MACROD2: variants seen among roughly 807,000 people sequenced by gnomAD.
The protein encoded by MACROD2 is ADP-ribose glycohydrolase MACROD2.
Under a neutral mutation model 70.4 loss-of-function variants are expected in MACROD2, and 36 were observed. That is an observed-to-expected ratio of 0.51 (90% CI 0.39 to 0.68). The LOEUF (loss-of-function observed/expected upper bound fraction) is 0.68. Ranked by LOEUF, MACROD2 falls within the 30% of genes least tolerant of loss-of-function variation. The pLI is 0.00. For synonymous variants in MACROD2, 172 were observed against 178.8 expected, an observed-to-expected ratio of 0.96 and a Z score of 0.30; for missense variants, 496 against 538.4, an observed-to-expected ratio of 0.92 and a Z score of 0.78.
intron 1 of MACROD2, among the ~76,000 whole-genome samples, chr20:13,999,725 C>T (rs2052707741): frequency 6.6e-6 from 1 of 152,230 alleles, no homozygotes; most frequent in Non-Finnish European, 1.5e-5. Context: ...AAGTAACCTA[C>T]AGATTTGCAC....
In MACROD2 at chr20:14,585,872, T is replaced by C. The variant is rs190098166; in HGVS notation, c.301+92364T>C. On this transcript the variant is annotated intron_variant, in intron 4 of 17. Transcript: ENST00000684519. ...GGTGAGATATTCAAGGTGTGTAGCTTTCTATGTAATTTCCTTAACTTGAAC... is the reference window on the plus strand; with the variant it reads ...GGTGAGATATTCAAGGTGTGTAGCTCTCTATGTAATTTCCTTAACTTGAAC... 4.3e-3 allele frequency among the ~76,000 whole-genome samples: 651 copies of C among 152,276 alleles called. 4 individuals carry two copies. In the Middle Eastern group the frequency reaches 0.044, roughly 10 times the overall value.
At chr20:15,026,050 T>C (rs576689645) in intron 5 of MACROD2, among the ~76,000 whole-genome samples, 1 of 152,302 alleles carries the variant, frequency 6.6e-6, no homozygotes, top group East Asian at 1.9e-4. Flanking sequence ...TATTAGTACC[T>C]AGCTGACAAA....
At chr20:15,339,523 C>T (rs1319556557) in intron 6 of MACROD2, among the ~76,000 whole-genome samples, 1 of 151,734 alleles carries the variant, frequency 6.6e-6, no homozygotes, top group Non-Finnish European at 1.5e-5. Context: ...CACTTGACGC[C>T]CAGCATGATT....
At chr20:15,893,791 G>A (rs2064926205) in intron 10 of MACROD2, 3 of 456,646 alleles carry the variant, frequency 6.6e-6, no homozygotes, top group Non-Finnish European at 1.3e-5. Context: ...TAATAATACT[G>A]ATGGTGTCAG....
At chr20:14,430,442 G>T (rs540713996) in intron 3 of MACROD2, among the ~76,000 whole-genome samples, 1 of 152,114 alleles carries the variant, frequency 6.6e-6, no homozygotes, top group Non-Finnish European at 1.5e-5. Context: ...GATAGTAAAT[G>T]CTACATTTAG....
chr20:15,239,862 C>A (rs373515134), intron 6 of MACROD2, among the ~76,000 whole-genome samples: 1 of 152,154 alleles, frequency 6.6e-6, no homozygotes, highest in South Asian at 2.1e-4. Flanking sequence ...ACCATCTCTA[C>A]CCTCTCAATG....
At chr20:15,431,990 G>A (rs1202800591) in intron 7 of MACROD2, among the ~76,000 whole-genome samples, 2 of 152,034 alleles carry the variant, frequency 1.3e-5, no homozygotes, top group South Asian at 4.2e-4. Flanking sequence ...GAAGCAAAAT[G>A]TTTCTTAATC....
chr20:14,902,046 G>A (rs2073900650), intron 5 of MACROD2, among the ~76,000 whole-genome samples: 1 of 152,058 alleles, frequency 6.6e-6, no homozygotes, highest in Non-Finnish European at 1.5e-5. Context: ...TGATTTTAAA[G>A]CCAACTGCAA....
At chr20:15,315,526 A>G (rs2077800342) in intron 6 of MACROD2, among the ~76,000 whole-genome samples, 1 of 152,188 alleles carries the variant, frequency 6.6e-6, no homozygotes, top group Admixed American at 6.5e-5. Context: ...CAGAGAGAGC[A>G]AAATGATATA....
Position 15,488,429 on chromosome 20 carries a change from G to A in MACROD2, c.572-11345G>A, listed in dbSNP as rs558419751. 2.2e-4 allele frequency among the ~76,000 whole-genome samples: 34 copies of A among 152,310 alleles called. No individual in the cohort carries two copies. The South Asian group carries it at 2.3e-3, about 10-fold the overall frequency. ...TGGAAAGGAGAACAAGACAGACAGA[G>A]CTCTGTCTCATGGAGCTTAAATTCC... On this transcript the variant is annotated intron_variant, in intron 7 of 17. Transcript: ENST00000684519.
intron 8 of MACROD2, among the ~76,000 whole-genome samples, chr20:15,515,880 C>G (rs1293586167): frequency 1.3e-5 from 2 of 152,180 alleles, no homozygotes; most frequent in East Asian, 3.9e-4. Flanking sequence ...TTATCTTGGA[C>G]AGATGGCAGT....
At chr20:14,107,696 A>T (rs1404465403) in intron 3 of MACROD2, among the ~76,000 whole-genome samples, 6 of 45,676 alleles carry the variant, frequency 1.3e-4, no homozygotes, top group East Asian at 8.3e-4. Flanking sequence ...CACCTCTTTC[A>T]GTGGAAACCC....
intron 5 of MACROD2, among the ~76,000 whole-genome samples, chr20:15,091,520 A>G (rs1386600640): frequency 6.6e-6 from 1 of 152,120 alleles, no homozygotes; most frequent in African/African-American, 2.4e-5. Context: ...AGGAAAGGGA[A>G]ACATCATGGG....
chr20:14,466,075 TG>T (rs1361789858), intron 3 of MACROD2, among the ~76,000 whole-genome samples: 1 of 152,126 alleles, frequency 6.6e-6, no homozygotes, highest in Non-Finnish European at 1.5e-5. Flanking sequence ...ATTTGAATGT[TG>T]GCCTGCCTTG....
chr20:15,109,572 G>T (rs1430782593), intron 5 of MACROD2, among the ~76,000 whole-genome samples: 1 of 152,100 alleles, frequency 6.6e-6, no homozygotes, highest in Non-Finnish European at 1.5e-5. Context: ...GTAGAGGCAG[G>T]TACTGTGAAA....
chr20:14,093,690 TAAAC>T (rs2054184223), intron 3 of MACROD2, among the ~76,000 whole-genome samples: 1 of 148,884 alleles, frequency 6.7e-6, no homozygotes, highest in Non-Finnish European at 1.5e-5. Flanking sequence ...ACCCCAAAAA[TAAAC>T]AAAAAAACCC....
rs6110129 is a variant in MACROD2, at chr20:14,013,355, C to T, written c.163+10951C>T. Reference sequence around the variant, plus strand: ...TGGTGCCATCTTGGCTCACTGCAAGCTCCGCCTCCCAGGTTCATGCCATAC... The same window carrying T: ...TGGTGCCATCTTGGCTCACTGCAAGTTCCGCCTCCCAGGTTCATGCCATAC... On this transcript the variant is annotated intron_variant, in intron 2 of 17. Coordinates refer to ENST00000684519, the MANE Select transcript of MACROD2 (RefSeq NM_001351661.2). Among the ~76,000 whole-genome samples, 11 of 149,800 alleles carry T rather than the reference C, an allele frequency of 7.3e-5. 1 individual carries two copies. The highest frequency in any genetic ancestry group is 5.4e-4 in the Admixed American group (8 of 14,934).
At chr20:15,443,133 G>A (rs2046517552) in intron 7 of MACROD2, among the ~76,000 whole-genome samples, 1 of 152,016 alleles carries the variant, frequency 6.6e-6, no homozygotes, top group Non-Finnish European at 1.5e-5. Context: ...AGAAATCCTT[G>A]GAGGCATCAA....
chr20:15,865,811 C>T lies in MACROD2; in HGVS notation c.727+2985C>T, dbSNP rs535211708. 9.5e-4 allele frequency among the ~76,000 whole-genome samples: 145 copies of T among 152,272 alleles called. 2 individuals are homozygous for T. The highest frequency in any genetic ancestry group is 6.8e-3 in the Middle Eastern group (2 of 294). On this transcript the variant is annotated intron_variant, in intron 9 of 17. Coordinates refer to ENST00000684519, the MANE Select transcript of MACROD2 (RefSeq NM_001351661.2). ...GGGAGCCCAGCCAGCAAGTGGGCAGCAAGAGAGAGCAAGCACCTGGGGGCT... is the reference window on the plus strand; with the variant it reads ...GGGAGCCCAGCCAGCAAGTGGGCAGTAAGAGAGAGCAAGCACCTGGGGGCT...
Sources: gnomAD v4.1 joint callset for allele counts (sites outside exome capture counted in the v4.1 genomes callset) on GRCh38, gnomAD v4.1.1 for gene constraint, MANE v1.5 for transcripts, NCBI Gene and HGNC (gene_info 2026-07-23, HGNC 2026-07-21) for gene names.